LRP1B: variants seen among roughly 807,000 people sequenced by gnomAD.
LRP1B encodes low-density lipoprotein receptor-related protein 1B.
In LRP1B, 217 loss-of-function variants were observed where a neutral mutation model predicts 556.6. The ratio of observed to expected loss-of-function variants is 0.39; its 90% confidence interval spans 0.35 to 0.44. LRP1B has a LOEUF of 0.44. Among genes scored for constraint, LRP1B ranks in the 20% least tolerant of loss-of-function variants. LRP1B has a pLI of 1.00. For missense variants in LRP1B, 5,053 were observed against 5,620.8 expected, an observed-to-expected ratio of 0.90 and a Z score of 3.23; for synonymous variants, 2,047 against 1,865.8, an observed-to-expected ratio of 1.10 and a Z score of -2.50.
chr2:141,627,583 T>C (rs1285044993), intron 2 of LRP1B, among the ~76,000 whole-genome samples: 1 of 152,166 alleles, frequency 6.6e-6, no homozygotes, highest in Non-Finnish European at 1.5e-5. Context: ...GTGAACTGCA[T>C]ATGCTAAGGA....
At chr2:141,001,601 C>A (rs1283487481) in intron 15 of LRP1B, among the ~76,000 whole-genome samples, 1 of 152,026 alleles carries the variant, frequency 6.6e-6, no homozygotes, top group African/African-American at 2.4e-5. Flanking sequence ...TAGTTAAAGC[C>A]TGTCCATCTT....
At chr2:141,079,624 C>T (rs1699875582) in intron 7 of LRP1B, among the ~76,000 whole-genome samples, 1 of 152,146 alleles carries the variant, frequency 6.6e-6, no homozygotes, top group Non-Finnish European at 1.5e-5. Context: ...TTTTCATCAA[C>T]AGATATGATC....
At chr2:141,586,165 A>G (rs1352187739) in intron 2 of LRP1B, among the ~76,000 whole-genome samples, 2 of 152,198 alleles carry the variant, frequency 1.3e-5, no homozygotes, top group Admixed American at 1.3e-4. Flanking sequence ...GATGTTGGAT[A>G]TGAATAGAAA....
chr2:140,737,943 A>C (rs1479311178), intron 35 of LRP1B, among the ~76,000 whole-genome samples: 2 of 152,186 alleles, frequency 1.3e-5, no homozygotes, highest in African/African-American at 4.8e-5. Context: ...TGCAGCCATT[A>C]GTCTGATCCA....
rs544928493 is a variant in LRP1B at position 140,585,066 on chromosome 2, GTTA to G, written c.7194+13562_7194+13564del. ...AAAAACAAATTGCCTTTCTTTAGAT[GTTA>G]TTATTCCTACAAAAGAGGAAATGAG... On this transcript the variant is annotated intron_variant, in intron 43 of 90. Transcript: ENST00000389484. 3.5e-3 allele frequency among the ~76,000 whole-genome samples: 526 copies of G among 152,060 alleles called. 4 individuals are homozygous for G. Among genetic ancestry groups the G allele is most frequent in the African/African-American group, 0.012 (502 of 41,518 alleles).
rs114511368 is a variant in LRP1B at position 141,008,211 on chromosome 2, G to T, written c.2381-2754C>A. Among the ~76,000 whole-genome samples the T allele has an allele frequency of 2.0e-3, 310 of 151,248 alleles. 1 individual carries two copies. Among genetic ancestry groups the T allele is most frequent in the African/African-American group, 7.2e-3 (300 of 41,436 alleles). On this transcript the variant is annotated intron_variant, in intron 14 of 90. Coordinates refer to ENST00000389484, the MANE Select transcript of LRP1B (RefSeq NM_018557.3). The stretch of plus-strand genomic sequence containing the variant: ...AAAGGTCATTAACATATTAATAGCT[G>T]CTGTTAATGAAAACTTATAAGCAAT...
chr2:141,296,741 G>A (rs890088736), intron 3 of LRP1B, among the ~76,000 whole-genome samples: 13 of 152,118 alleles, frequency 8.5e-5, no homozygotes, highest in Non-Finnish European at 1.3e-4. Flanking sequence ...TTAGATTCAT[G>A]GAGTATATGT....
chr2:141,622,639 T>G (rs1249721215), intron 2 of LRP1B, among the ~76,000 whole-genome samples: 1 of 152,236 alleles, frequency 6.6e-6, no homozygotes, highest in Non-Finnish European at 1.5e-5. Context: ...ATGCTATGTA[T>G]CCACACAGTC....
rs113155419 is a variant in LRP1B at position 141,127,105 on chromosome 2, C to T, written c.1013+61316G>A. On this transcript the variant is annotated intron_variant, in intron 7 of 90. Transcript: ENST00000389484. Reference sequence around the variant, plus strand: ...GCTCTCACTTATGAGTGAGAACACGCGGTGTTTGGTTTTCTATGCCTGTGT... The same window carrying T: ...GCTCTCACTTATGAGTGAGAACACGTGGTGTTTGGTTTTCTATGCCTGTGT... Among the ~76,000 whole-genome samples, 634 of 151,818 alleles carry T rather than the reference C, an allele frequency of 4.2e-3. 3 individuals are homozygous for T. The highest frequency in any genetic ancestry group is 0.014 in the African/African-American group (565 of 41,384).
chr2:140,976,861 AG>A (rs1263539828), intron 18 of LRP1B, among the ~76,000 whole-genome samples: 1 of 152,110 alleles, frequency 6.6e-6, no homozygotes, highest in Non-Finnish European at 1.5e-5. Flanking sequence ...CCAAAGTTGA[AG>A]GCTTCTAATG....
chr2:142,042,503 G>A (rs1170187163), intron 1 of LRP1B, among the ~76,000 whole-genome samples: 1 of 151,400 alleles, frequency 6.6e-6, no homozygotes, highest in East Asian at 1.9e-4. Context: ...ATTTACAACT[G>A]TATACCATTT....
intron 35 of LRP1B, among the ~76,000 whole-genome samples, chr2:140,759,384 G>A (rs1252465032): frequency 1.3e-5 from 2 of 152,024 alleles, no homozygotes; most frequent in African/African-American, 2.4e-5. Flanking sequence ...TATATTTCTG[G>A]TTCCACTTCA....
intron 3 of LRP1B, among the ~76,000 whole-genome samples, chr2:141,470,154 C>T (rs1037929636): frequency 8.5e-5 from 13 of 152,196 alleles, no homozygotes; most frequent in African/African-American, 3.1e-4. Context: ...TATTGAATGA[C>T]TTTGAGAAAT....
At chr2:141,308,192 T>C (rs899449748) in intron 3 of LRP1B, among the ~76,000 whole-genome samples, 1 of 152,080 alleles carries the variant, frequency 6.6e-6, no homozygotes. Flanking sequence ...CACTGCAAAA[T>C]AGGACTTTCA....
rs1558919068 is a variant in LRP1B, at chr2:141,185,716, CAAA to C, written c.1013+2702_1013+2704del. Among the ~76,000 whole-genome samples the C allele has an allele frequency of 4.9e-5, 7 of 142,106 alleles. No homozygotes were observed. The South Asian group carries it at 1.5e-3, about 31-fold the overall frequency. The allele number at this position is 142,106 out of a possible 152,430, so 93.2% of individuals were successfully genotyped here. Reference sequence around the variant, plus strand: ...AAAAAACAAAAAAAAAAACAAGAACCAAAAAATTATATTTCTTCAATAGTCCTT... The same window carrying C: ...AAAAAACAAAAAAAAAAACAAGAACCAAATTATATTTCTTCAATAGTCCTT... On this transcript the variant is annotated intron_variant, in intron 7 of 90. Coordinates refer to ENST00000389484, the MANE Select transcript of LRP1B (RefSeq NM_018557.3).
At chr2:140,330,475 G>C (rs528754737) in intron 79 of LRP1B, among the ~76,000 whole-genome samples, 1 of 129,802 alleles carries the variant, frequency 7.7e-6, no homozygotes, top group African/African-American at 2.9e-5. Flanking sequence ...AATGGGGAAA[G>C]GAGTTTGTAT....
At chr2:140,945,120 G>C (rs892827823) in intron 20 of LRP1B, among the ~76,000 whole-genome samples, 2 of 152,040 alleles carry the variant, frequency 1.3e-5, no homozygotes, top group African/African-American at 2.4e-5. Context: ...TTCAAGCTGA[G>C]AGATAAATCA....
intron 41 of LRP1B, among the ~76,000 whole-genome samples, chr2:140,612,157 G>A (rs1438845766): frequency 1.3e-5 from 2 of 152,058 alleles, no homozygotes; most frequent in Non-Finnish European, 2.9e-5. Context: ...TATACTAGAA[G>A]AAAAAGTCAT....
intron 58 of LRP1B, among the ~76,000 whole-genome samples, 182 bp from the exon 59 acceptor site, chr2:140,485,706 T>A (rs1410756060): frequency 6.6e-6 from 1 of 152,066 alleles, no homozygotes. Flanking sequence ...TTACCTAATG[T>A]GTAATTAGGT....
Sources: gnomAD v4.1 joint callset for allele counts (sites outside exome capture counted in the v4.1 genomes callset) on GRCh38, gnomAD v4.1.1 for gene constraint, MANE v1.5 for transcripts, NCBI Gene and HGNC (gene_info 2026-07-23, HGNC 2026-07-21) for gene names.